The following DNAH10 variants were observed in gnomAD, a reference collection of about 807,000 sequenced individuals.
DNAH10 encodes dynein axonemal heavy chain 10, also known as axonemal beta dynein heavy chain 10.
DNAH10 carries 348 observed loss-of-function variants against 506.6 expected under a neutral mutation model. The ratio of observed to expected loss-of-function variants is 0.69; its 90% CI spans 0.63 to 0.75. DNAH10 has a LOEUF of 0.75. Among genes scored for constraint, DNAH10 ranks in the 30% least tolerant of loss-of-function variants. The pLI, the probability that DNAH10 is intolerant of heterozygous loss-of-function variation, is 0.00. For synonymous variants in DNAH10, 2,059 were observed against 2,198.6 expected, an observed-to-expected ratio of 0.94 and a Z score of 1.78; for missense variants, 5,179 against 5,787.1, an observed-to-expected ratio of 0.89 and a Z score of 3.41.
rs78688187 is a variant in DNAH10 at position 123,928,334 on chromosome 12, C to T, written c.12106-53C>T. 14,711 of 1,537,828 alleles carry T rather than the reference C, an allele frequency of 9.6e-3. 667 individuals are homozygous for T. In the African/African-American group the frequency reaches 0.13, roughly 13 times the overall value. On this transcript the variant is annotated intron_variant, in intron 69 of 78. Coordinates refer to ENST00000673944, the MANE Select transcript of DNAH10 (RefSeq NM_001372106.1). The surrounding 1 kb of genome is among the most constrained non-coding windows in gnomAD (Gnocchi z 4.9). ...GTGTGGAGTGGGTCTCTGGAGAGCACGGGGTTGGGTTTGGATGCCAACCCC... is the reference window on the plus strand; with the variant it reads ...GTGTGGAGTGGGTCTCTGGAGAGCATGGGGTTGGGTTTGGATGCCAACCCC...
chr12:123,832,835 C>T (rs192262727), intron 26 of DNAH10, among the ~76,000 whole-genome samples: 1 of 152,250 alleles, frequency 6.6e-6, no homozygotes, highest in East Asian at 1.9e-4. Flanking sequence ...CAGTTGCCAT[C>T]TCTGTAAAAT....
In DNAH10 at chr12:123,801,340, A is replaced by G; in HGVS notation, c.2522A>G (p.Asn841Ser). The G allele has an allele frequency of 1.2e-6, 2 of 1,614,184 alleles. No homozygotes were observed. Among genetic ancestry groups the G allele is most frequent in the South Asian group, 1.1e-5 (1 of 91,078 alleles). Reference protein sequence around the residue: ...DHYHMLIGTLNDAESVLLKDH... With the variant: ...DHYHMLIGTLSDAESVLLKDH... ...TATCACATGCTCATAGGAACGTTAA[A>G]CGATGCGGAGTCTGTGCTTCTCAAA... is the stretch of plus-strand genomic sequence containing the variant. The change falls in exon 16 of 79, where the codon AAC (asparagine) becomes AGC (serine). Residue 841 changes from asparagine (N) to serine (S), a missense_variant. Physicochemically the swap from Asn to Ser is conservative, Grantham distance 46. Around this residue, in one of 3 missense-constraint regions of DNAH10, gnomAD observed 4,844 missense variants for 5,430.5 expected, o/e 0.89. Transcript: ENST00000673944.
intron 36 of DNAH10, among the ~76,000 whole-genome samples, chr12:123,855,597 A>C (rs1390986416): frequency 6.7e-6 from 1 of 150,326 alleles, no homozygotes; most frequent in African/African-American, 2.4e-5. Context: ...TGGCACTATT[A>C]CACTCCAGCC....
At chr12:123,908,900 C>T (rs1953934130) in intron 57 of DNAH10, among the ~76,000 whole-genome samples, 2 of 152,086 alleles carry the variant, frequency 1.3e-5, no homozygotes, top group South Asian at 2.1e-4. Context: ...ACAATAATGA[C>T]GGCAGCCACC....
At chr12:123,819,711 T>TG (rs955911746) in intron 23 of DNAH10, among the ~76,000 whole-genome samples, 6 of 147,448 alleles carry the variant, frequency 4.1e-5, no homozygotes, top group Admixed American at 2.7e-4. Flanking sequence ...TTTTTTTTTT[T>TG]TTTTTTTTTT....
intron 36 of DNAH10, among the ~76,000 whole-genome samples, chr12:123,854,368 A>C (rs1951307996): frequency 6.6e-6 from 1 of 152,164 alleles, no homozygotes; most frequent in African/African-American, 2.4e-5. Flanking sequence ...AGTGCTATCT[A>C]AGGCTCTACG....
intron 12 of DNAH10, among the ~76,000 whole-genome samples, chr12:123,796,333 T>C (rs1958276140): frequency 1.3e-5 from 2 of 151,978 alleles, no homozygotes; most frequent in African/African-American, 4.8e-5. Context: ...GGTGGGCGCC[T>C]GTAATCCCAG....
rs753727751 is a variant in DNAH10, at chr12:123,838,539, C to T, written c.4986C>T (p.Ser1662=). ...GCCTCAGTGACCTACAGAACGTCAG[C>T]GAGGGCCTGGAGAAATGCCAGAAAA... ...PNRLSDLQNV[S]EGLEKCQKSL... Residue 1662 remains serine (S), a synonymous_variant, in exon 29 of 79, where the codon AGC becomes AGT. Transcript: ENST00000673944. 1.2e-5 allele frequency: 19 copies of T among 1,613,860 alleles called. No individual in the cohort carries two copies. Among genetic ancestry groups the T allele is most frequent in the South Asian group, 6.6e-5 (6 of 91,080 alleles).
rs545838011 is a variant in DNAH10 at position 123,935,682 on chromosome 12, T to G, written c.*201T>G. 2.1e-6 allele frequency: 1 copy of G among 486,850 alleles called. No individual in the cohort carries two copies. Among genetic ancestry groups the G allele is most frequent in the South Asian group, 6.2e-5 (1 of 16,138 alleles). The allele number at this position is 486,850 out of a possible 1,614,324, so 30.2% of individuals were successfully genotyped here. A position where few individuals can be genotyped will look rare whatever the true frequency, so the allele number is the denominator to read the frequency against. ...TTTTAATACTACTTTTTAAAAGGAATTTATATAATCAAAAAGTAAATATTG... is the reference window on the plus strand; with the variant it reads ...TTTTAATACTACTTTTTAAAAGGAAGTTATATAATCAAAAAGTAAATATTG... On this transcript the variant is annotated 3_prime_UTR_variant, in exon 79 of 79. Transcript: ENST00000673944.
chr12:123,905,041 C>T (rs1172178866), intron 57 of DNAH10, among the ~76,000 whole-genome samples: 1 of 152,232 alleles, frequency 6.6e-6, no homozygotes, highest in Non-Finnish European at 1.5e-5. Context: ...ACTTCAGGTT[C>T]TGAGGGTTTG....
At chr12:123,805,985 C>T (rs1427207787) in intron 18 of DNAH10, among the ~76,000 whole-genome samples, 3 of 152,138 alleles carry the variant, frequency 2.0e-5, no homozygotes, top group African/African-American at 4.8e-5. Context: ...ACCGTGTTAG[C>T]CAGGGTGGTC....
chr12:123,813,099 T>C (rs766219229), intron 19 of DNAH10, 65 bp from the exon 20 acceptor site: 1 of 1,163,442 alleles, frequency 8.6e-7, no homozygotes, highest in Non-Finnish European at 1.2e-6. Flanking sequence ...TGAATACTAA[T>C]ATGTACGTTG....
rs766478129 is a variant in DNAH10, at chr12:123,853,617, T to C, written c.6438+265T>C. On this transcript the variant is annotated intron_variant, in intron 36 of 78. Coordinates refer to ENST00000673944, the MANE Select transcript of DNAH10 (RefSeq NM_001372106.1). This position sits in a 1 kb window ranked among gnomAD's most constrained non-coding sequence, Gnocchi z 4.7. ...GCTTCCATAGTAATAATCTGTAGTC[T>C]CAGGATGGGTGTGGCGGAAGGGTGG... is the stretch of plus-strand genomic sequence containing the variant. 6.6e-5 allele frequency among the ~76,000 whole-genome samples: 10 copies of C among 152,152 alleles called. No homozygotes were observed. The highest frequency in any genetic ancestry group is 1.5e-5 in the Non-Finnish European group (1 of 68,036).
At chr12:123,775,055 G>T (rs965419915) in intron 5 of DNAH10, among the ~76,000 whole-genome samples, 4 of 152,240 alleles carry the variant, frequency 2.6e-5, no homozygotes, top group African/African-American at 9.6e-5. Context: ...TGTGCACTGT[G>T]TGTGTGCAGA....
At chr12:123,933,915 G>C in intron 77 of DNAH10, 1 of 436,344 alleles carries the variant, frequency 2.3e-6, no homozygotes. Flanking sequence ...CTTTGATTAT[G>C]CCAGAACTTC....
intron 18 of DNAH10, among the ~76,000 whole-genome samples, chr12:123,805,299 GCAGAGAATCGCTGTCA>G (rs1447839409): frequency 6.6e-6 from 1 of 152,212 alleles, no homozygotes; most frequent in African/African-American, 2.4e-5. Flanking sequence ...TCAGCTGGCA[GCAGAGAATCGCTGTCA>G]CTCAATATTG....
intron 29 of DNAH10, among the ~76,000 whole-genome samples, chr12:123,840,565 T>C (rs1157778380): frequency 6.6e-6 from 1 of 152,074 alleles, no homozygotes; most frequent in Non-Finnish European, 1.5e-5. Flanking sequence ...CTATTGTGCC[T>C]GGCCTTCTGC....
intron 21 of DNAH10, 172 bp downstream of exon 21, chr12:123,814,084 T>C (rs1594094374): frequency 3.3e-6 from 2 of 608,898 alleles, no homozygotes; most frequent in East Asian, 6.2e-5. Flanking sequence ...AATGAAAATA[T>C]AGAGTATTTT....
In DNAH10 at chr12:123,875,295, T is replaced by C; in HGVS notation, c.8003T>C (p.Leu2668Ser). The C allele has an allele frequency of 6.2e-7, 1 of 1,613,308 alleles. No homozygotes were observed. Among genetic ancestry groups the C allele is most frequent in the South Asian group, 1.1e-5 (1 of 90,936 alleles). Residue 2668 changes from leucine to serine, a missense_variant, in exon 47 of 79, where the codon TTA becomes TCA. By Grantham distance (145) the Leu-to-Ser change is moderately radical (BLOSUM62 -2). Around this residue, in one of 3 missense-constraint regions of DNAH10, gnomAD observed 4,844 missense variants for 5,430.5 expected, o/e 0.89. Coordinates refer to ENST00000673944, the MANE Select transcript of DNAH10 (RefSeq NM_001372106.1). ...LLKLLLEKGY[L>S]YDRGKELNCK... is the part of the protein sequence containing the mutation. Reference sequence around the variant, plus strand: ...AAGCTGCTGTTGGAAAAAGGCTACTTATATGACCGTGGGAAGGAGCTGAAC... The same window carrying C: ...AAGCTGCTGTTGGAAAAAGGCTACTCATATGACCGTGGGAAGGAGCTGAAC...
Sources: allele counts gnomAD v4.1 joint callset (sites outside exome capture counted in the v4.1 genomes callset), GRCh38; gene constraint gnomAD v4.1.1; regional missense constraint gnomAD v4.1.1; non-coding constraint Gnocchi (gnomAD v3.1); transcripts MANE v1.5; gene names NCBI Gene and HGNC (gene_info 2026-07-23, HGNC 2026-07-21).